Variants in DIAPH3 observed in about 807,000 individuals in gnomAD.
DIAPH3 encodes protein diaphanous homolog 3.
A neutral mutation model predicts 144.3 loss-of-function variants in DIAPH3; 117 were observed. The ratio of observed to expected loss-of-function variants is 0.81; its 90% CI spans 0.70 to 0.95. The LOEUF (loss-of-function observed/expected upper bound fraction) is 0.95, where lower values mean the gene tolerates loss of function less well. DIAPH3 is among the 40% of genes least tolerant of loss of function. DIAPH3 has a pLI of 0.00. For synonymous variants in DIAPH3, 519 were observed against 488.9 expected, an observed-to-expected ratio of 1.06 and a Z score of -0.81; for missense variants, 1,421 against 1,412.7, an observed-to-expected ratio of 1.01 and a Z score of -0.09.
At chr13:60,019,142 G>C (rs1367681799) in intron 5 of DIAPH3, among the ~76,000 whole-genome samples, 1 of 152,116 alleles carries the variant, frequency 6.6e-6, no homozygotes, top group African/African-American at 2.4e-5. Context: ...CTGTAGTCTT[G>C]ACAGAGGTTT....
chr13:59,690,871 CAG>C (rs1482848790), intron 27 of DIAPH3, among the ~76,000 whole-genome samples: 1 of 152,080 alleles, frequency 6.6e-6, no homozygotes, highest in Non-Finnish European at 1.5e-5. Flanking sequence ...TCATATCTAT[CAG>C]AGAGAAACAA....
At chr13:59,847,504 G>A (rs937079226) in intron 22 of DIAPH3, among the ~76,000 whole-genome samples, 2 of 152,140 alleles carry the variant, frequency 1.3e-5, no homozygotes, top group African/African-American at 4.8e-5. Context: ...GTGTATTAGT[G>A]GGAGAAGCCC....
intron 20 of DIAPH3, among the ~76,000 whole-genome samples, chr13:59,904,837 C>T (rs1443454836): frequency 6.6e-6 from 1 of 151,914 alleles, no homozygotes; most frequent in Non-Finnish European, 1.5e-5. Context: ...GGAGCTCTTA[C>T]AAGCTACAAG....
chr13:60,126,949 C>G (rs563420444), intron 2 of DIAPH3, among the ~76,000 whole-genome samples: 1 of 151,740 alleles, frequency 6.6e-6, no homozygotes, highest in Non-Finnish European at 1.5e-5. Flanking sequence ...ACTTAGAGTT[C>G]TACCTTAAGA....
chr13:59,862,622 G>T (rs1320932146), intron 21 of DIAPH3, among the ~76,000 whole-genome samples: 1 of 152,116 alleles, frequency 6.6e-6, no homozygotes, highest in Non-Finnish European at 1.5e-5. Flanking sequence ...AATTGTTTTG[G>T]ACAAGGTAAA....
At chr13:60,145,541 T>C (rs1313060866) in intron 1 of DIAPH3, among the ~76,000 whole-genome samples, 1 of 152,080 alleles carries the variant, frequency 6.6e-6, no homozygotes, top group Non-Finnish European at 1.5e-5. Context: ...TCCCAGCTAC[T>C]TGGGAGGCTG....
intron 20 of DIAPH3, among the ~76,000 whole-genome samples, chr13:59,905,138 C>G (rs776120421): frequency 6.6e-6 from 1 of 151,536 alleles, no homozygotes; most frequent in African/African-American, 2.4e-5. Context: ...GTCAGGAGAT[C>G]GAGATCATCC....
At chr13:59,901,321 A>T (rs2046416804) in intron 20 of DIAPH3, among the ~76,000 whole-genome samples, 1 of 152,200 alleles carries the variant, frequency 6.6e-6, no homozygotes, top group African/African-American at 2.4e-5. Context: ...ACTCTGCCAC[A>T]GCCACTGGCC....
chr13:59,861,540 A>T lies in DIAPH3; in HGVS notation c.2608-4T>A. On this transcript the variant is annotated splice_polypyrimidine_tract_variant and splice_region_variant and intron_variant, in intron 21 of 27. Transcript: ENST00000400324. Reference sequence around the variant, plus strand: ...CTGCTGATTTTGTGTCCTTTAGCTAAATAGAACAGGAGGGAGAAAAAACAC... The same window carrying T: ...CTGCTGATTTTGTGTCCTTTAGCTATATAGAACAGGAGGGAGAAAAAACAC... 1 of 1,613,614 alleles carries T rather than the reference A, an allele frequency of 6.2e-7. No individual in the cohort carries two copies. The highest frequency in any genetic ancestry group is 1.1e-5 in the South Asian group (1 of 91,078).
chr13:60,132,807 C>T, intron 2 of DIAPH3, 150 bp downstream of exon 2: 13 of 581,796 alleles, frequency 2.2e-5, no homozygotes, highest in South Asian at 5.4e-5. Flanking sequence ...TGTATTTTAC[C>T]AGTTCTGCCT....
At chr13:59,720,687 A>G (rs952630997) in intron 27 of DIAPH3, among the ~76,000 whole-genome samples, 16 of 152,152 alleles carry the variant, frequency 1.1e-4, no homozygotes, top group African/African-American at 3.6e-4. Flanking sequence ...TGTGCCTGAC[A>G]GTTATCTATA....
intron 21 of DIAPH3, among the ~76,000 whole-genome samples, chr13:59,864,380 A>G (rs971679934): frequency 2.0e-5 from 3 of 152,040 alleles, no homozygotes; most frequent in South Asian, 4.1e-4. Flanking sequence ...ATTTACAGCA[A>G]TGACTACTTG....
intron 22 of DIAPH3, among the ~76,000 whole-genome samples, chr13:59,859,739 T>C (rs1211065333): frequency 1.3e-5 from 2 of 152,188 alleles, no homozygotes; most frequent in Admixed American, 1.3e-4. Context: ...AGAGTTGATT[T>C]CCCTGAGGTA....
intron 27 of DIAPH3, among the ~76,000 whole-genome samples, chr13:59,703,498 C>T (rs2034231917): frequency 1.3e-5 from 2 of 152,070 alleles, no homozygotes; most frequent in South Asian, 2.1e-4. Flanking sequence ...TCTTCCTGTT[C>T]ACCTCTCCTG....
chr13:59,678,757 A>G (rs1211196966), intron 27 of DIAPH3, among the ~76,000 whole-genome samples: 1 of 152,224 alleles, frequency 6.6e-6, no homozygotes, highest in Non-Finnish European at 1.5e-5. Flanking sequence ...ATCTCTAAGA[A>G]AAAGAAAGAG....
intron 1 of DIAPH3, among the ~76,000 whole-genome samples, chr13:60,163,079 A>G (rs760269094): frequency 7.2e-5 from 11 of 152,208 alleles, no homozygotes; most frequent in Non-Finnish European, 1.5e-4. Flanking sequence ...AGTTTCAAAT[A>G]TTTAGAATTC....
intron 1 of DIAPH3, among the ~76,000 whole-genome samples, chr13:60,154,886 G>A (rs1199360875): frequency 6.6e-6 from 1 of 152,174 alleles, no homozygotes; most frequent in East Asian, 1.9e-4. Context: ...AGGATACTAT[G>A]TGCTAAGTTA....
chr13:59,670,009 C>T (rs534942730), intron 27 of DIAPH3, among the ~76,000 whole-genome samples: 1 of 152,120 alleles, frequency 6.6e-6, no homozygotes, highest in Non-Finnish European at 1.5e-5. Flanking sequence ...GGATGAAATG[C>T]CTAGCATTTC....
At chr13:59,922,429 T>C (rs1210032608) in intron 18 of DIAPH3, among the ~76,000 whole-genome samples, 1 of 152,054 alleles carries the variant, frequency 6.6e-6, no homozygotes, top group Non-Finnish European at 1.5e-5. Context: ...TTAGATTCTT[T>C]CTCCAAAGTT....
Sources: allele counts gnomAD v4.1 joint callset (sites outside exome capture counted in the v4.1 genomes callset), GRCh38; gene constraint gnomAD v4.1.1; transcripts MANE v1.5; gene names NCBI Gene and HGNC (gene_info 2026-07-23, HGNC 2026-07-21).